The following TXNDC5 variants were observed in gnomAD, a reference collection of about 807,000 sequenced individuals.
The protein encoded by TXNDC5 is thioredoxin domain-containing protein 5.
Under a neutral mutation model 52.6 loss-of-function variants are expected in TXNDC5, and 44 were observed. The observed-to-expected ratio is 0.84, with a 90% CI of 0.66 to 1.08. TXNDC5 has a LOEUF of 1.08. Ranked by LOEUF, TXNDC5 falls within the 50% of genes least tolerant of loss-of-function variation. The pLI is 0.00. For missense variants in TXNDC5, 600 were observed against 565.5 expected (o/e 1.06, Z -0.62); for synonymous variants, 241 against 234.4 (o/e 1.03, Z -0.26).
intron 1 of TXNDC5, among the ~76,000 whole-genome samples, chr6:7,908,021 A>C (rs1739645696): frequency 6.6e-6 from 1 of 152,208 alleles, no homozygotes; most frequent in East Asian, 1.9e-4. Context: ...GCGGTGGCTT[A>C]CGCCTGTAAT....
At chr6:7,899,781 G>GT (rs1760502027) in intron 2 of TXNDC5, 100 bp from the exon 3 acceptor site, 1 of 819,412 alleles carries the variant, frequency 1.2e-6, no homozygotes, top group Non-Finnish European at 1.9e-6. Context: ...CTGTCAAGGG[G>GT]CTGCAGCCAG....
At chr6:7,898,837 C>T (rs1468524049) in intron 3 of TXNDC5, among the ~76,000 whole-genome samples, 1 of 152,066 alleles carries the variant, frequency 6.6e-6, no homozygotes, top group East Asian at 1.9e-4. Flanking sequence ...ATTATAAATC[C>T]TTTTTAGTAC....
intron 5 of TXNDC5, among the ~76,000 whole-genome samples, chr6:7,889,843 A>C (rs1272628725): frequency 1.3e-5 from 2 of 152,194 alleles, no homozygotes; most frequent in Admixed American, 1.3e-4. Flanking sequence ...GGTTTTTAGG[A>C]AGCAACATTT....
chr6:7,899,842 G>C (rs1261736706), intron 2 of TXNDC5, 161 bp from the exon 3 acceptor site: 2 of 520,908 alleles, frequency 3.8e-6, no homozygotes, highest in Non-Finnish European at 6.8e-6. Flanking sequence ...AACGTTCCAG[G>C]AGATAATACA....
At chr6:7,885,905 CATG>C (rs1399379160) in intron 8 of TXNDC5, 53 bp downstream of exon 8, 3 of 1,547,348 alleles carry the variant, frequency 1.9e-6, no homozygotes, top group Admixed American at 3.4e-5. Flanking sequence ...AGCTGAAAAA[CATG>C]ATGTGACTTA....
chr6:7,908,763 G>C (rs1760816051), intron 1 of TXNDC5, among the ~76,000 whole-genome samples: 1 of 152,156 alleles, frequency 6.6e-6, no homozygotes, highest in Admixed American at 6.5e-5. Flanking sequence ...CTTGAGCCCA[G>C]GAGTTAGAGG....
intron 4 of TXNDC5, among the ~76,000 whole-genome samples, chr6:7,892,412 G>A (rs1048960073): frequency 1.3e-5 from 2 of 152,244 alleles, no homozygotes; most frequent in Admixed American, 6.5e-5. Flanking sequence ...ATAAAGAGAT[G>A]TCTGGAGAAC....
chr6:7,885,002 G>C (rs1026264728), intron 8 of TXNDC5, among the ~76,000 whole-genome samples: 1 of 152,186 alleles, frequency 6.6e-6, no homozygotes, highest in Admixed American at 6.5e-5. Flanking sequence ...ACCCGACTCT[G>C]TTCCCTTGTC....
chr6:7,902,298 G>A (rs13208292), intron 2 of TXNDC5, among the ~76,000 whole-genome samples: 5,561 of 152,218 alleles, frequency 0.037, 180 homozygotes, highest in African/African-American at 0.089. Flanking sequence ...AACTAACACA[G>A]GTAGTTCCCC....
intron 1 of TXNDC5, among the ~76,000 whole-genome samples, chr6:7,908,728 T>C (rs1402992318): frequency 6.6e-6 from 1 of 152,098 alleles, no homozygotes; most frequent in African/African-American, 2.4e-5. Context: ...TCACAGCTAC[T>C]TCAGAGGCTG....
chr6:7,893,595 AC>A (rs2113341237), intron 4 of TXNDC5, among the ~76,000 whole-genome samples: 1 of 152,122 alleles, frequency 6.6e-6, no homozygotes, highest in South Asian at 2.1e-4. Context: ...TGGGAAACAC[AC>A]CCTGCTCAGA....
At chr6:7,893,695 CTT>C (rs149203598) in intron 4 of TXNDC5, among the ~76,000 whole-genome samples, 4,317 of 152,322 alleles carry the variant, frequency 0.028, 92 homozygotes, top group Non-Finnish European at 0.038. Context: ...GATGAAATAA[CTT>C]TTAGCAAAAG....
At chr6:7,891,245 G>A (rs1292747346) in intron 5 of TXNDC5, among the ~76,000 whole-genome samples, 1 of 152,144 alleles carries the variant, frequency 6.6e-6, no homozygotes, top group Non-Finnish European at 1.5e-5. Flanking sequence ...GGAGCACAGA[G>A]CCAGGGTCCT....
chr6:7,905,748 GGTTT>G (rs1760709767), intron 1 of TXNDC5, among the ~76,000 whole-genome samples: 1 of 152,148 alleles, frequency 6.6e-6, no homozygotes. Flanking sequence ...ATGACACATG[GGTTT>G]GTTTGCTATT....
chr6:7,891,014 G>T (rs550184868), intron 5 of TXNDC5, among the ~76,000 whole-genome samples: 83 of 152,196 alleles, frequency 5.5e-4, no homozygotes, highest in Non-Finnish European at 1.1e-3. Flanking sequence ...GTAGAAAAAT[G>T]AGATTTTTAA....
intron 2 of TXNDC5, among the ~76,000 whole-genome samples, chr6:7,902,310 C>T (rs1273801699): frequency 2.0e-5 from 3 of 152,198 alleles, no homozygotes; most frequent in Non-Finnish European, 4.4e-5. Context: ...TAGTTCCCCC[C>T]GTCAGTCCTG....
At position 7,910,712 on chromosome 6, in the gene TXNDC5, A is replaced by T. The variant is rs2113381377; in HGVS notation, c.65T>A (p.Leu22Gln). The T allele has an allele frequency of 9.3e-7, 1 of 1,072,176 alleles. No homozygotes were observed. The allele number at this position is 1,072,176 out of a possible 1,614,324, so 66.4% of individuals were successfully genotyped here. Reference sequence around the variant, plus strand: ...GCCGCCATGGCCCAGCAGCAGCAGCAGCAGCGCAGTCAGGGCCGCCGGCCG... The same window carrying T: ...GCCGCCATGGCCCAGCAGCAGCAGCTGCAGCGCAGTCAGGGCCGCCGGCCG... Reference protein sequence around the residue: ...LARPAALTALLLLLLGHGGGG... With the variant: ...LARPAALTALQLLLLGHGGGG... Residue 22 changes from leucine to glutamine, a missense_variant, in exon 1 of 10, where the codon CTG becomes CAG. Physicochemically the swap from Leu to Gln is moderately radical, Grantham distance 113. Coordinates refer to ENST00000379757, the MANE Select transcript of TXNDC5 (RefSeq NM_030810.5).
chr6:7,903,151 T>C (rs1225957), intron 2 of TXNDC5, among the ~76,000 whole-genome samples: 146,729 of 152,344 alleles, frequency 0.96, 70,713 homozygotes, highest in East Asian at 1. Flanking sequence ...AAGCAACAGT[T>C]TCTCAACAGG....
At chr6:7,903,760 C>T (rs1760644994) in intron 2 of TXNDC5, among the ~76,000 whole-genome samples, 1 of 152,240 alleles carries the variant, frequency 6.6e-6, no homozygotes, top group African/African-American at 2.4e-5. Flanking sequence ...CCTCCACCTC[C>T]TTCAGAAACA....
Sources: gnomAD v4.1 joint callset for allele counts (sites outside exome capture counted in the v4.1 genomes callset) on GRCh38, gnomAD v4.1.1 for gene constraint, MANE v1.5 for transcripts, NCBI Gene and HGNC (gene_info 2026-07-23, HGNC 2026-07-21) for gene names.